Variants in SCRIB observed in about 807,000 individuals in gnomAD.
The protein encoded by SCRIB is scribble planar cell polarity protein.
Under a neutral mutation model 170.0 loss-of-function variants are expected in SCRIB, and 72 were observed. That is an observed-to-expected ratio of 0.42 (90% CI 0.35 to 0.52). SCRIB has a LOEUF of 0.52. Among genes scored for constraint, SCRIB ranks in the 20% least tolerant of loss-of-function variants. The probability of loss-of-function intolerance (pLI) is 0.02; values close to 1 mark genes in which losing one functional copy is unlikely to be tolerated. For synonymous variants in SCRIB, 1,298 were observed against 1,044.3 expected (o/e 1.24, Z -4.68); for missense variants, 2,475 against 2,338.5 (o/e 1.06, Z -1.20).
chr8:143,796,347 C>T (rs188551135), intron 24 of SCRIB, among the ~76,000 whole-genome samples: 7 of 152,290 alleles, frequency 4.6e-5, no homozygotes, highest in Non-Finnish European at 7.4e-5. Flanking sequence ...TCATCACAGA[C>T]GGGGTCCCTG....
chr8:143,812,986 C>G, intron 7 of SCRIB, 25 bp from the exon 8 acceptor site: 1 of 1,611,820 alleles, frequency 6.2e-7, no homozygotes, highest in Non-Finnish European at 8.5e-7. Flanking sequence ...AGAGTCAGAG[C>G]GCGGATGGGC....
rs1429408200 is a variant in SCRIB, at chr8:143,792,036, C to T, written c.4612G>A (p.Glu1538Lys). 5.1e-6 allele frequency: 8 copies of T among 1,572,540 alleles called. No homozygotes were observed. Among genetic ancestry groups the T allele is most frequent in the African/African-American group, 1.4e-5 (1 of 73,928 alleles). Residue 1538 changes from glutamate to lysine, a missense_variant, in exon 33 of 37, where the codon GAG (glutamate) becomes AAG (lysine). Physicochemically the swap from Glu to Lys is moderately conservative, Grantham distance 56. Transcript: ENST00000356994. ...GGGGTGGGCGCAGGGGAAGGGGCCT[C>T]GGCCAGTCGCTCCAGGGGCCCCCGC... is the stretch of plus-strand genomic sequence containing the variant. ...GTRGPLERLA[E>K]APSPAPTPSP...
At chr8:143,813,578 G>C in intron 4 of SCRIB, 52 bp from the exon 5 acceptor site, 2 of 1,612,474 alleles carry the variant, frequency 1.2e-6, no homozygotes, top group East Asian at 2.2e-5. Context: ...AGTGGCAGCA[G>C]GGGCAGGGCC....
rs782409709 is a variant in SCRIB at position 143,804,692 on chromosome 8, G to A, written c.2885C>T (p.Ser962Phe). The A allele has an allele frequency of 1.2e-5, 19 of 1,570,002 alleles. No individual in the cohort carries two copies. In the East Asian group the frequency reaches 2.3e-4, roughly 19 times the overall value. ...GGCAACAGCAGCGGTGGGGGGTGAG[G>A]AATGTGGCAGAGGGCTGGGAGGAAG... Reference protein sequence around the residue: ...GPLPPSPLPHSSPPTAAVATT... With the variant: ...GPLPPSPLPHFSPPTAAVATT... Residue 962 changes from serine to phenylalanine, a missense_variant, in exon 21 of 37, where the codon TCC becomes TTC. This residue lies in a region of SCRIB where 1,966 missense variants were observed against 1,742.9 expected (regional missense o/e 1.13). Coordinates refer to ENST00000356994, the MANE Select transcript of SCRIB (RefSeq NM_182706.5).
chr8:143,793,208 G>T, intron 28 of SCRIB, 125 bp from the exon 29 acceptor site: 1 of 558,084 alleles, frequency 1.8e-6, no homozygotes, highest in Non-Finnish European at 3.0e-6. Flanking sequence ...CCACCATCCT[G>T]CTGGGGAAGG....
At position 143,803,294 on chromosome 8, in the gene SCRIB, C is replaced by T. The variant is rs1296279169; in HGVS notation, c.3603+89G>A. ...CGCCCAGACCCAGAGGCACAGGGGACCCGTCGCCTGCCCCGAGAGGTGTCA... is the reference window on the plus strand; with the variant it reads ...CGCCCAGACCCAGAGGCACAGGGGATCCGTCGCCTGCCCCGAGAGGTGTCA... On this transcript the variant is annotated intron_variant, in intron 24 of 36. Transcript: ENST00000356994. The T allele has an allele frequency of 2.3e-6, 3 of 1,289,788 alleles. No individual in the cohort carries two copies. In the East Asian group the frequency reaches 7.7e-5, roughly 33 times the overall value. The allele number at this position is 1,289,788 out of a possible 1,614,324, so 79.9% of individuals were successfully genotyped here. A position where few individuals can be genotyped will look rare whatever the true frequency, so the allele number is the denominator to read the frequency against.
chr8:143,796,098 T>C (rs929972508), intron 24 of SCRIB, among the ~76,000 whole-genome samples: 5 of 151,878 alleles, frequency 3.3e-5, no homozygotes, highest in African/African-American at 1.2e-4. Flanking sequence ...GGCACTCAGA[T>C]AGCTCAGGCA....
chr8:143,791,907 C>T lies in SCRIB; in HGVS notation c.4664G>A (p.Gly1555Asp). The change falls in exon 34 of 37, where the codon GGC becomes GAC. Residue 1555 changes from glycine (G) to aspartate (D), a missense_variant. Gly to Asp is a moderately conservative substitution (Grantham distance 94). Coordinates refer to ENST00000356994, the MANE Select transcript of SCRIB (RefSeq NM_182706.5). Reference protein sequence around the residue: ...TPSPTPVEDLGPQTSTSPGRL... With the variant: ...TPSPTPVEDLDPQTSTSPGRL... Reference sequence around the variant, plus strand: ...TCCCGGGGAGGTGCTGGTCTGGGGGCCGAGGTCTGGGGGGACAAGAAGCGG... The same window carrying T: ...TCCCGGGGAGGTGCTGGTCTGGGGGTCGAGGTCTGGGGGGACAAGAAGCGG... 1 of 1,514,034 alleles carries T rather than the reference C, an allele frequency of 6.6e-7. No homozygotes were observed. Among genetic ancestry groups the T allele is most frequent in the African/African-American group, 1.4e-5 (1 of 70,852 alleles). The allele number at this position is 1,514,034 out of a possible 1,614,324, so 93.8% of individuals were successfully genotyped here.
Position 143,809,672 on chromosome 8 carries a change from G to A in SCRIB, c.1577C>T (p.Pro526Leu). Residue 526 changes from proline (P) to leucine (L), a missense_variant, in exon 14 of 37, where the codon CCA becomes CTA. By Grantham distance (98) the Pro-to-Leu change is moderately conservative. Around this residue, in one of 3 missense-constraint regions of SCRIB, gnomAD observed 1,966 missense variants for 1,742.9 expected, o/e 1.13. Coordinates refer to ENST00000356994, the MANE Select transcript of SCRIB (RefSeq NM_182706.5). Reference sequence around the variant, plus strand: ...AGCCTCAGAGACTGTGCTGGCAGATGGGCGAGAGTCTTCACTCAGGCCAGA... The same window carrying A: ...AGCCTCAGAGACTGTGCTGGCAGATAGGCGAGAGTCTTCACTCAGGCCAGA... ...AESGLSEDSRPSASTVSEAEP... is the reference protein window; with the variant it reads ...AESGLSEDSRLSASTVSEAEP... 5 of 1,611,068 alleles carry A rather than the reference G, an allele frequency of 3.1e-6. No homozygotes were observed. Among genetic ancestry groups the A allele is most frequent in the South Asian group, 1.1e-5 (1 of 91,086 alleles).
At chr8:143,794,576 TG>T (rs1462375128) in intron 27 of SCRIB, among the ~76,000 whole-genome samples, 5 of 152,024 alleles carry the variant, frequency 3.3e-5, no homozygotes, top group African/African-American at 1.2e-4. Flanking sequence ...GCGCACCCTC[TG>T]GGAGGGTTAT....
At position 143,810,702 on chromosome 8, in the gene SCRIB, G is replaced by A; in HGVS notation, c.1388C>T (p.Ala463Val). The change falls in exon 12 of 37, where the codon GCT (alanine) becomes GTT (valine). Residue 463 changes from alanine to valine, a missense_variant. Ala to Val is a moderately conservative substitution (Grantham distance 64). Transcript: ENST00000356994. ...APIGDEDAEE[A>V]AAEKRGLQRR... ...CCCTCATACCCGCTTCTCAGCTGCA[G>A]CTTCCTCAGCGTCCTCATCACCTAT... 5 of 1,603,976 alleles carry A rather than the reference G, an allele frequency of 3.1e-6. No individual in the cohort carries two copies. The highest frequency in any genetic ancestry group is 4.3e-6 in the Non-Finnish European group (5 of 1,173,200).
In SCRIB at chr8:143,809,689, C is replaced by T. The variant is rs1270653506; in HGVS notation, c.1560G>A (p.Leu520=). Reference sequence around the variant, plus strand: ...TGGCAGATGGGCGAGAGTCTTCACTCAGGCCAGACTCGGCACTCAGCCGCT... The same window carrying T: ...TGGCAGATGGGCGAGAGTCTTCACTTAGGCCAGACTCGGCACTCAGCCGCT... ...EEKRLSAESG[L]SEDSRPSAST... is the part of the protein sequence containing the mutation. The change falls in exon 14 of 37, where the codon CTG becomes CTA. Residue 520 remains leucine (L), a synonymous_variant. Transcript: ENST00000356994. 2 of 1,610,540 alleles carry T rather than the reference C, an allele frequency of 1.2e-6. No individual in the cohort carries two copies. The highest frequency in any genetic ancestry group is 1.7e-5 in the Admixed American group (1 of 60,016).
Position 143,814,080 on chromosome 8 carries a change from C to T in SCRIB, c.198G>A (p.Leu66=), listed in dbSNP as rs369905208. 107 of 1,555,464 alleles carry T rather than the reference C, an allele frequency of 6.9e-5. No homozygotes were observed. Among genetic ancestry groups the T allele is most frequent in the Non-Finnish European group, 5.3e-5 (61 of 1,149,134 alleles). The part of the protein sequence containing the change: ...FRLLNLRKLG[L]SDNEIQRLPP... ...GCAACCGCTGGATCTCGTTGTCGCT[C>T]AGGCCCAGCTTGCGCAAGTTCAGCA... The change falls in exon 2 of 37, where the codon CTG becomes CTA. Residue 66 remains leucine (L), a synonymous_variant. Transcript: ENST00000356994.
chr8:143,809,422 C>T, intron 14 of SCRIB, 129 bp downstream of exon 14: 1 of 1,069,720 alleles, frequency 9.3e-7, no homozygotes, highest in Non-Finnish European at 1.4e-6. Flanking sequence ...CTGTACAGGG[C>T]AGCTCCCCGA....
Position 143,793,050 on chromosome 8 carries a change from C to A in SCRIB, c.3943G>T (p.Ala1315Ser). ...PSPPSPDELP[A>S]NVKQAYRAFA... ...GCCCTGTAGGCCTGCTTCACATTGG[C>A]GGGCAGCTCATCCGGAGAAGGCGGG... Residue 1315 changes from alanine to serine, a missense_variant, in exon 29 of 37, where the codon GCC (alanine) becomes TCC (serine). By Grantham distance (99) the Ala-to-Ser change is moderately conservative. Around this residue, in one of 3 missense-constraint regions of SCRIB, gnomAD observed 1,966 missense variants for 1,742.9 expected, o/e 1.13. Coordinates refer to ENST00000356994, the MANE Select transcript of SCRIB (RefSeq NM_182706.5). 6.7e-7 allele frequency: 1 copy of A among 1,481,512 alleles called. No individual in the cohort carries two copies. Among genetic ancestry groups the A allele is most frequent in the Non-Finnish European group, 9.0e-7 (1 of 1,112,056 alleles). 91.8% of individuals were successfully genotyped at this position (1,481,512 alleles called of 1,614,324 possible).
In SCRIB at chr8:143,806,987, A is replaced by G. The variant is rs781990715; in HGVS notation, c.2205T>C (p.Thr735=). ...CCGCAATGCTGATGCCCAGGCCCCC[A>G]GTCTGCCGCAGGATAGTGAGGGTCA... The part of the protein sequence containing the change: ...EELTLTILRQ[T]GGLGISIAGG... Residue 735 remains threonine, a synonymous_variant, in exon 17 of 37, where the codon ACT becomes ACC. Coordinates refer to ENST00000356994, the MANE Select transcript of SCRIB (RefSeq NM_182706.5). The G allele has an allele frequency of 1.9e-6, 3 of 1,613,112 alleles. No homozygotes were observed. In the African/African-American group the frequency reaches 4.0e-5, roughly 22 times the overall value.
Position 143,815,258 on chromosome 8 carries a change from C to A in SCRIB, c.115G>T (p.Glu39Ter). ...EEIYRYSRSLEELLLDANQLR... is the reference protein window; with the variant it reads ...EEIYRYSRSL ...TGGTTGGCGTCGAGCAGCAGCTCCT[C>A]CAGGCTGCGGCTGTAGCGGTAGATC... Residue 39 changes from glutamate (E) to a stop codon, truncating the protein, a stop_gained, in exon 1 of 37, where the codon GAG becomes TAG. Coordinates refer to ENST00000356994, the MANE Select transcript of SCRIB (RefSeq NM_182706.5). LOFTEE classifies it high-confidence loss of function. 6.3e-7 allele frequency: 1 copy of A among 1,596,300 alleles called. No homozygotes were observed.
intron 24 of SCRIB, among the ~76,000 whole-genome samples, chr8:143,798,534 G>A (rs1331855999): frequency 3.9e-5 from 6 of 152,134 alleles, no homozygotes; most frequent in Non-Finnish European, 7.3e-5. Context: ...TCCTGGGCTC[G>A]AGCGATCCTC....
intron 24 of SCRIB, among the ~76,000 whole-genome samples, chr8:143,801,557 G>C (rs782317726): frequency 3.9e-5 from 6 of 152,172 alleles, no homozygotes; most frequent in African/African-American, 7.2e-5. Context: ...TAAAGGAAAA[G>C]ATAAGCAACC....
Sources: gnomAD v4.1 joint callset for allele counts (sites outside exome capture counted in the v4.1 genomes callset) on GRCh38, gnomAD v4.1.1 for gene constraint, gnomAD v4.1.1 regional missense constraint, MANE v1.5 for transcripts, NCBI Gene and HGNC (gene_info 2026-07-23, HGNC 2026-07-21) for gene names.